The following NRIP1 variants were observed in gnomAD, a reference collection of about 807,000 sequenced individuals.
NRIP1 encodes the protein nuclear receptor-interacting protein 1.
Under a neutral mutation model 75.0 loss-of-function variants are expected in NRIP1, and 28 were observed. That is an observed-to-expected ratio of 0.37 (90% CI 0.28 to 0.51). NRIP1 has a LOEUF of 0.51. Ranked by LOEUF, NRIP1 falls within the 20% of genes least tolerant of loss-of-function variation. The probability of loss-of-function intolerance (pLI) is 0.92; values close to 1 mark genes in which losing one functional copy is unlikely to be tolerated. For missense variants in NRIP1, 1,435 were observed against 1,343.7 expected (o/e 1.07, Z -1.06); for synonymous variants, 526 against 487.6 (o/e 1.08, Z -1.04).
intron 3 of NRIP1, among the ~76,000 whole-genome samples, chr21:14,978,577 C>T (rs1185189763): frequency 6.6e-6 from 1 of 151,982 alleles, no homozygotes; most frequent in Non-Finnish European, 1.5e-5. Flanking sequence ...AGGATAATCA[C>T]AAAGATTTAA....
Position 14,991,752 on chromosome 21 carries a change from T to C in NRIP1, c.-335+22592A>G, listed in dbSNP as rs192236288. Among the ~76,000 whole-genome samples, 962 of 152,318 alleles carry C rather than the reference T, an allele frequency of 6.3e-3. 9 individuals are homozygous for C. Among genetic ancestry groups the C allele is most frequent in the African/African-American group, 0.022 (904 of 41,570 alleles). On this transcript the variant is annotated intron_variant, in intron 3 of 3. Transcript: ENST00000318948. ...AAAAGTAAATGGAATAAAATACTCT[T>C]GTATAGAAAGGAAGAAATAAAAGGA...
chr21:15,030,872 T>C (rs1192783758), intron 2 of NRIP1, among the ~76,000 whole-genome samples: 1 of 147,304 alleles, frequency 6.8e-6, no homozygotes, highest in Admixed American at 6.8e-5. Context: ...CCCTTCTATG[T>C]GTGTACACTC....
At chr21:14,985,577 T>A (rs1315189546) in intron 3 of NRIP1, among the ~76,000 whole-genome samples, 1 of 152,144 alleles carries the variant, frequency 6.6e-6, no homozygotes, top group Non-Finnish European at 1.5e-5. Flanking sequence ...CCACCATGCC[T>A]GGCAAAGTAT....
intron 3 of NRIP1, among the ~76,000 whole-genome samples, chr21:14,996,565 G>A (rs1018350034): frequency 9.9e-5 from 15 of 152,248 alleles, no homozygotes; most frequent in African/African-American, 3.6e-4. Context: ...GATCACAGTT[G>A]TCTTAGGACT....
At chr21:15,027,019 T>A (rs918184635) in intron 2 of NRIP1, among the ~76,000 whole-genome samples, 86 of 152,190 alleles carry the variant, frequency 5.7e-4, no homozygotes, top group African/African-American at 1.9e-3. Flanking sequence ...TATACACTTG[T>A]ACCCACAAAA....
chr21:15,054,152 C>T (rs2089257986), intron 1 of NRIP1, among the ~76,000 whole-genome samples: 1 of 152,266 alleles, frequency 6.6e-6, no homozygotes, highest in Non-Finnish European at 1.5e-5. Context: ...AATCCCATAA[C>T]TTACCAAGTT....
intron 1 of NRIP1, among the ~76,000 whole-genome samples, chr21:15,055,891 A>G (rs564554756): frequency 2.6e-5 from 4 of 152,156 alleles, no homozygotes; most frequent in Admixed American, 6.6e-5. Context: ...CTACAGGAAG[A>G]TAAGTAATTA....
chr21:14,986,526 A>G (rs1189467898), intron 3 of NRIP1, among the ~76,000 whole-genome samples: 2 of 152,222 alleles, frequency 1.3e-5, no homozygotes, highest in East Asian at 3.8e-4. Flanking sequence ...TTAAACTTTA[A>G]TAACATTTCT....
At position 14,964,766 on chromosome 21, in the gene NRIP1, C is replaced by G. The variant is rs1205304459; in HGVS notation, c.3427G>C (p.Val1143Leu). 1 of 1,583,634 alleles carries G rather than the reference C, an allele frequency of 6.3e-7. No homozygotes were observed. Among genetic ancestry groups the G allele is most frequent in the South Asian group, 1.2e-5 (1 of 85,192 alleles). Residue 1143 changes from valine (V) to leucine (L), a missense_variant, in exon 4 of 4, where the codon GTT becomes CTT. By Grantham distance (32) the Val-to-Leu change is conservative (BLOSUM62 1). Coordinates refer to ENST00000318948, the MANE Select transcript of NRIP1 (RefSeq NM_003489.4). ...AGCACGCTTCCCAGAAGTCCATAAA[C>G]TTCTCCATTTGCGCTGTGTGGGCGA... ...ASRPHSANGE[V>L]YGLLGSVLTI...
rs552998884 is a variant in NRIP1, at chr21:14,968,321, G to C, written c.-129C>G. ...CCTTCCATCGCAATCAGAGAGAGAC[G>C]TACTGTTACATTCTGTCCAAGATTT... On this transcript the variant is annotated 5_prime_UTR_variant, in exon 4 of 4. Transcript: ENST00000318948. 4 of 658,158 alleles carry C rather than the reference G, an allele frequency of 6.1e-6. No individual in the cohort carries two copies. Among genetic ancestry groups the C allele is most frequent in the South Asian group, 5.9e-5 (3 of 50,612 alleles). 40.8% of individuals were successfully genotyped at this position (658,158 alleles called of 1,614,324 possible).
Position 15,012,531 on chromosome 21 carries a change from T to C in NRIP1, c.-335+1813A>G, listed in dbSNP as rs560321070. Among the ~76,000 whole-genome samples, 3 of 130,000 alleles carry C rather than the reference T, an allele frequency of 2.3e-5. No homozygotes were observed. The East Asian group carries it at 7.5e-4, about 33-fold the overall frequency. The allele number at this position is 130,000 out of a possible 152,430, so 85.3% of individuals were successfully genotyped here. On this transcript the variant is annotated intron_variant, in intron 3 of 3. Transcript: ENST00000318948. ...GTGCAGTGGCACAATCTTGGCTCAC[T>C]GCAACCCCGACTGCCGACTTAAGTG...
At chr21:15,018,139 ATAAT>A (rs2088280395) in intron 2 of NRIP1, among the ~76,000 whole-genome samples, 1 of 152,200 alleles carries the variant, frequency 6.6e-6, no homozygotes, top group Admixed American at 6.5e-5. Flanking sequence ...TAACTTCATC[ATAAT>A]TATATTATGA....
At chr21:15,026,753 C>T (rs1270626588) in intron 2 of NRIP1, among the ~76,000 whole-genome samples, 1 of 152,054 alleles carries the variant, frequency 6.6e-6, no homozygotes, top group Admixed American at 6.6e-5. Flanking sequence ...GAAATAAATA[C>T]ACACAATGGA....
At chr21:15,025,438 G>A (rs1186153573) in intron 2 of NRIP1, among the ~76,000 whole-genome samples, 1 of 152,082 alleles carries the variant, frequency 6.6e-6, no homozygotes, top group Non-Finnish European at 1.5e-5. Context: ...ACCAAAATAA[G>A]TTACAATAGT....
At chr21:14,974,920 C>A (rs973441845) in intron 3 of NRIP1, among the ~76,000 whole-genome samples, 11 of 151,822 alleles carry the variant, frequency 7.2e-5, no homozygotes, top group Admixed American at 3.3e-4. Context: ...CCAGCCTGGG[C>A]AACATGGCGA....
intron 3 of NRIP1, among the ~76,000 whole-genome samples, chr21:14,973,399 G>GCAGCCTGCC (rs1283712011): frequency 4.6e-5 from 7 of 152,118 alleles, no homozygotes; most frequent in Admixed American, 4.6e-4. Flanking sequence ...TAAACATTAG[G>GCAGCCTGCC]TTGGTAGATA....
At chr21:15,064,676 G>T (rs1244356986) in intron 1 of NRIP1, 69 bp downstream of exon 1, 1 of 150,794 alleles carries the variant, frequency 6.6e-6, no homozygotes, top group Non-Finnish European at 1.5e-5. Context: ...CGCGGGCCGC[G>T]CTCCCGGGCC....
At chr21:14,990,355 C>T (rs2087535048) in intron 3 of NRIP1, among the ~76,000 whole-genome samples, 1 of 151,220 alleles carries the variant, frequency 6.6e-6, no homozygotes, top group South Asian at 2.1e-4. Flanking sequence ...ATGCTGGGAA[C>T]TGTGTACTAG....
At position 14,990,265 on chromosome 21, in the gene NRIP1, A is replaced by C. The variant is rs1195639605; in HGVS notation, c.-334-21739T>G. Among the ~76,000 whole-genome samples, 18 of 151,936 alleles carry C rather than the reference A, an allele frequency of 1.2e-4. 1 individual carries two copies. Among genetic ancestry groups the C allele is most frequent in the Admixed American group, 1.2e-3 (18 of 15,252 alleles). ...TTCTTTTCTCCATCTTTTATTTCTC[A>C]AGTTTGAATGTATTTCTACCTGTCT... On this transcript the variant is annotated intron_variant, in intron 3 of 3. Transcript: ENST00000318948.
Sources: gnomAD v4.1 joint callset for allele counts (sites outside exome capture counted in the v4.1 genomes callset) on GRCh38, gnomAD v4.1.1 for gene constraint, MANE v1.5 for transcripts, NCBI Gene and HGNC (gene_info 2026-07-23, HGNC 2026-07-21) for gene names.